ZDHHC21: variants seen among roughly 807,000 people sequenced by gnomAD.
ZDHHC21 encodes palmitoyltransferase ZDHHC21.
Under a neutral mutation model 34.6 loss-of-function variants are expected in ZDHHC21, and 15 were observed. That is an observed-to-expected ratio of 0.43 (90% confidence interval 0.29 to 0.67). The LOEUF (loss-of-function observed/expected upper bound fraction) is 0.67. Among genes scored for constraint, ZDHHC21 ranks in the 30% least tolerant of loss-of-function variants. ZDHHC21 has a pLI of 0.14. For synonymous variants in ZDHHC21, 142 were observed against 101.8 expected, an observed-to-expected ratio of 1.40 and a Z score of -2.38; for missense variants, 344 against 327.7, an observed-to-expected ratio of 1.05 and a Z score of -0.38.
At chr9:14,675,556 CT>C (rs1382035578) in intron 3 of ZDHHC21, among the ~76,000 whole-genome samples, 4 of 151,932 alleles carry the variant, frequency 2.6e-5, no homozygotes, top group African/African-American at 9.7e-5. Context: ...TTCACTAACA[CT>C]TCAATGTTAC....
rs568599491 is a variant in ZDHHC21, at chr9:14,688,366, T to G, written c.-176+1971A>C. Among the ~76,000 whole-genome samples the G allele has an allele frequency of 2.6e-5, 4 of 150,946 alleles. No homozygotes were observed. In the East Asian group the frequency reaches 5.8e-4, roughly 22 times the overall value. On this transcript the variant is annotated intron_variant, in intron 2 of 9. Transcript: ENST00000380916. Reference sequence around the variant, plus strand: ...GGGAAAGTGAAAGATAAGTTTTACTTCTAGTTTTACAAACTCCAGAATGAA... The same window carrying G: ...GGGAAAGTGAAAGATAAGTTTTACTGCTAGTTTTACAAACTCCAGAATGAA...
At chr9:14,654,931 G>A (rs1028906370) in intron 7 of ZDHHC21, among the ~76,000 whole-genome samples, 1 of 151,938 alleles carries the variant, frequency 6.6e-6, no homozygotes. Context: ...AAATTGAGCA[G>A]AGGTAATATT....
Position 14,618,363 on chromosome 9 carries a change from T to C in ZDHHC21, c.*603A>G, listed in dbSNP as rs1824652669. 1.3e-5 allele frequency: 2 copies of C among 152,438 alleles called. No individual in the cohort carries two copies. Among genetic ancestry groups the C allele is most frequent in the African/African-American group, 4.8e-5 (2 of 41,408 alleles). 9.4% of individuals were successfully genotyped at this position (152,438 alleles called of 1,614,324 possible). ...AGTGGTACTTTCATGTTGGTTTTGG[T>C]GAAGAAAAAAGAAGAAAACGTAAGC... is the stretch of plus-strand genomic sequence containing the variant. On this transcript the variant is annotated 3_prime_UTR_variant, in exon 10 of 10. Transcript: ENST00000380916.
intron 7 of ZDHHC21, among the ~76,000 whole-genome samples, chr9:14,641,464 T>C (rs1198315987): frequency 6.6e-6 from 1 of 152,206 alleles, no homozygotes; most frequent in Non-Finnish European, 1.5e-5. Context: ...ATTGATACAT[T>C]AAACAAGTTT....
At chr9:14,668,512 A>T (rs1366880974) in intron 5 of ZDHHC21, among the ~76,000 whole-genome samples, 1 of 129,832 alleles carries the variant, frequency 7.7e-6, no homozygotes, top group Non-Finnish European at 1.6e-5. Flanking sequence ...TTTAAAGTTC[A>T]TATGGAACCA....
Position 14,665,679 on chromosome 9 carries a change from G to A in ZDHHC21, c.254-3353C>T, listed in dbSNP as rs1317359024. ...CAGAAACCCTACAAGCCAGAAGAGAGTGGGGGCCAATATTCAACATTCTTA... is the reference window on the plus strand; with the variant it reads ...CAGAAACCCTACAAGCCAGAAGAGAATGGGGGCCAATATTCAACATTCTTA... On this transcript the variant is annotated intron_variant, in intron 5 of 9. Transcript: ENST00000380916. 2.2e-5 allele frequency among the ~76,000 whole-genome samples: 3 copies of A among 137,452 alleles called. No individual in the cohort carries two copies. In the South Asian group the frequency reaches 8.4e-4, roughly 39 times the overall value. 90.2% of individuals were successfully genotyped at this position (137,452 alleles called of 152,430 possible).
chr9:14,650,568 C>A (rs866972131), intron 7 of ZDHHC21, among the ~76,000 whole-genome samples: 1 of 151,772 alleles, frequency 6.6e-6, no homozygotes, highest in Admixed American at 6.6e-5. Context: ...AGTACTCAGG[C>A]GACTTTAAAA....
At chr9:14,655,537 C>A (rs1053011509) in intron 7 of ZDHHC21, among the ~76,000 whole-genome samples, 7 of 151,682 alleles carry the variant, frequency 4.6e-5, no homozygotes, top group Admixed American at 6.6e-5. Context: ...TACCTTCTAC[C>A]CCAAAATATG....
chr9:14,662,749 T>C (rs1158718867), intron 5 of ZDHHC21, among the ~76,000 whole-genome samples: 3 of 152,174 alleles, frequency 2.0e-5, no homozygotes, highest in Admixed American at 6.5e-5. Flanking sequence ...CTGACCCTGG[T>C]TTCAATTGAT....
chr9:14,645,516 A>G (rs532382085), intron 7 of ZDHHC21, among the ~76,000 whole-genome samples: 8 of 152,280 alleles, frequency 5.3e-5, no homozygotes, highest in South Asian at 2.1e-4. Context: ...AAGGAGAATT[A>G]CATTGGTTTT....
At chr9:14,683,339 T>C (rs1837717882) in intron 2 of ZDHHC21, among the ~76,000 whole-genome samples, 1 of 151,942 alleles carries the variant, frequency 6.6e-6, no homozygotes, top group Non-Finnish European at 1.5e-5. Flanking sequence ...AAGAATCAAA[T>C]AGACGCAATA....
chr9:14,664,279 C>A (rs1251461518), intron 5 of ZDHHC21, among the ~76,000 whole-genome samples: 1 of 152,156 alleles, frequency 6.6e-6, no homozygotes. Context: ...TCACTCCCAC[C>A]CTAATACTGC....
intron 3 of ZDHHC21, among the ~76,000 whole-genome samples, chr9:14,675,562 T>C (rs1191660277): frequency 6.6e-6 from 1 of 151,932 alleles, no homozygotes; most frequent in Non-Finnish European, 1.5e-5. Flanking sequence ...AACACTTCAA[T>C]GTTACCACAA....
In ZDHHC21 at chr9:14,671,119, C is replaced by CA. The variant is rs930208949; in HGVS notation, c.253+1710dup. Among the ~76,000 whole-genome samples the CA allele has an allele frequency of 1.1e-3, 171 of 150,766 alleles. 1 individual carries two copies. Among genetic ancestry groups the CA allele is most frequent in the Non-Finnish European group, 3.1e-4 (21 of 67,526 alleles). On this transcript the variant is annotated intron_variant, in intron 5 of 9. Transcript: ENST00000380916. Reference sequence around the variant, plus strand: ...GAAAAATCAAAATATAAAACAAAACCAAAAAAAAGGCAAACTCCATGACTG... The same window carrying CA: ...GAAAAATCAAAATATAAAACAAAACCAAAAAAAAAGGCAAACTCCATGACTG...
chr9:14,693,111 G>A (rs1243608040), intron 1 of ZDHHC21, 118 bp downstream of exon 1: 3 of 213,000 alleles, frequency 1.4e-5, no homozygotes, highest in African/African-American at 4.8e-5. Context: ...GGGCGTCCCG[G>A]CGCGGAGGAG....
intron 7 of ZDHHC21, among the ~76,000 whole-genome samples, chr9:14,648,128 T>C (rs1280399989): frequency 6.6e-6 from 1 of 152,108 alleles, no homozygotes; most frequent in African/African-American, 2.4e-5. Flanking sequence ...ATCCTTGACG[T>C]TTCGCATTCT....
At chr9:14,609,315 CTGTT>C (rs1054756282), downstream of ZDHHC21, among the ~76,000 whole-genome samples, 14 of 152,224 alleles carry the variant, frequency 9.2e-5, no homozygotes, top group South Asian at 4.1e-4. Context: ...ACTTGTGTGA[CTGTT>C]TGAGTTGCAA....
Position 14,692,088 on chromosome 9 carries a change from C to T in ZDHHC21, c.-225+1141G>A, listed in dbSNP as rs150083273. Among the ~76,000 whole-genome samples, 3 of 152,272 alleles carry T rather than the reference C, an allele frequency of 2.0e-5. No homozygotes were observed. In the East Asian group the frequency reaches 5.8e-4, roughly 29 times the overall value. On this transcript the variant is annotated intron_variant, in intron 1 of 9. Transcript: ENST00000380916. ...CTCTTTCTTTCCAGTGGATTTCTCA[C>T]CTCAATTCTTCAAATATCTTTTTGC...
chr9:14,660,982 G>A (rs1339623447), intron 6 of ZDHHC21, among the ~76,000 whole-genome samples: 1 of 152,122 alleles, frequency 6.6e-6, no homozygotes, highest in Non-Finnish European at 1.5e-5. Flanking sequence ...TATTGTGAGA[G>A]CAAACAGATC....
Sources: allele counts gnomAD v4.1 joint callset (sites outside exome capture counted in the v4.1 genomes callset), GRCh38; gene constraint gnomAD v4.1.1; transcripts MANE v1.5; gene names NCBI Gene and HGNC (gene_info 2026-07-23, HGNC 2026-07-21).